The following CCDC138 variants were observed in gnomAD, a reference collection of about 807,000 sequenced individuals.
CCDC138 encodes coiled-coil domain-containing protein 138.
A neutral mutation model predicts 82.3 loss-of-function variants in CCDC138; 66 were observed. The ratio of observed to expected loss-of-function variants is 0.80; its 90% CI spans 0.66 to 0.98. The LOEUF is 0.98. Ranked by LOEUF, CCDC138 falls within the 50% of genes least tolerant of loss-of-function variation. CCDC138 has a pLI of 0.00. For synonymous variants in CCDC138, 297 were observed against 265.4 expected, an observed-to-expected ratio of 1.12 and a Z score of -1.16; for missense variants, 816 against 758.9, an observed-to-expected ratio of 1.08 and a Z score of -0.88.
intron 2 of CCDC138, 143 bp from the exon 3 acceptor site, chr2:108,788,709 G>A: frequency 2.6e-6 from 3 of 1,164,168 alleles, no homozygotes; most frequent in Non-Finnish European, 1.2e-6. Flanking sequence ...GACAGAGCGA[G>A]ACTCCGTCTC....
At chr2:108,828,524 T>C (rs979856806) in intron 10 of CCDC138, among the ~76,000 whole-genome samples, 2 of 152,210 alleles carry the variant, frequency 1.3e-5, no homozygotes. Flanking sequence ...TGGGATAGAA[T>C]GGAGAGCCCA....
intron 10 of CCDC138, among the ~76,000 whole-genome samples, chr2:108,829,859 C>T (rs945212411): frequency 6.6e-6 from 1 of 152,176 alleles, no homozygotes; most frequent in African/African-American, 2.4e-5. Flanking sequence ...CTGTGGAAGA[C>T]AGTATGGTGA....
intron 13 of CCDC138, among the ~76,000 whole-genome samples, chr2:108,867,189 C>CAGGGCT (rs1574302095): frequency 6.6e-6 from 1 of 152,136 alleles, no homozygotes; most frequent in East Asian, 1.9e-4. Context: ...TTTAATGTCA[C>CAGGGCT]AGGGCTAGGG....
At chr2:108,813,882 G>A (rs183360710) in intron 9 of CCDC138, among the ~76,000 whole-genome samples, 14 of 152,278 alleles carry the variant, frequency 9.2e-5, no homozygotes, top group African/African-American at 2.6e-4. Context: ...ACTTGTTTGT[G>A]TAAGGCTTTT....
At position 108,812,688 on chromosome 2, in the gene CCDC138, G is replaced by A. The variant is rs748883294; in HGVS notation, c.913G>A (p.Ala305Thr). The A allele has an allele frequency of 6.2e-7, 1 of 1,611,568 alleles. No homozygotes were observed. The highest frequency in any genetic ancestry group is 1.1e-5 in the South Asian group (1 of 90,984). Residue 305 changes from alanine (A) to threonine (T), a missense_variant, in exon 8 of 15, where the codon GCT becomes ACT. Physicochemically the swap from Ala to Thr is moderately conservative, Grantham distance 58 (BLOSUM62 0). Coordinates refer to ENST00000295124, the MANE Select transcript of CCDC138 (RefSeq NM_144978.3). ...KIDIQAKRVQ[A>T]RLDNLQRKYE... ...AGACATTCAGGCTAAAAGAGTTCAA[G>A]CTCGTTTAGATAATTTACAGGTAAG...
chr2:108,867,707 C>CT (rs1025428415), intron 13 of CCDC138, among the ~76,000 whole-genome samples: 25 of 151,878 alleles, frequency 1.6e-4, no homozygotes, highest in Admixed American at 5.9e-4. Context: ...CATACTATTG[C>CT]TTTTTTTTGT....
chr2:108,864,030 C>G (rs1694025782), intron 13 of CCDC138, among the ~76,000 whole-genome samples: 1 of 152,018 alleles, frequency 6.6e-6, no homozygotes, highest in Non-Finnish European at 1.5e-5. Context: ...AAAGGCTGGT[C>G]TTTCTCATGT....
Position 108,862,750 on chromosome 2 carries a change from T to C in CCDC138, c.1693+5780T>C, listed in dbSNP as rs540230534. ...TGCTATCAAAAGATACATAACTATT[T>C]TGTATCTTTTTTCCACAAACGGTTT... On this transcript the variant is annotated intron_variant, in intron 13 of 14. Coordinates refer to ENST00000295124, the MANE Select transcript of CCDC138 (RefSeq NM_144978.3). Among the ~76,000 whole-genome samples, 60 of 152,316 alleles carry C rather than the reference T, an allele frequency of 3.9e-4. 1 individual carries two copies. The South Asian group carries it at 0.012, about 32-fold the overall frequency.
chr2:108,810,639 TTGGTTTTGGTATCATGGTAGTGC>T (rs1683633262), intron 7 of CCDC138, among the ~76,000 whole-genome samples: 2 of 152,132 alleles, frequency 1.3e-5, no homozygotes, highest in African/African-American at 4.8e-5. Flanking sequence ...GTGTCTTGGT[TTGGTTTTGGTATCATGGTAGTGC>T]TGGCTTTGTA....
At chr2:108,877,753 A>G (rs1696124817), downstream of CCDC138, among the ~76,000 whole-genome samples, 1 of 152,098 alleles carries the variant, frequency 6.6e-6, no homozygotes, top group Admixed American at 6.5e-5. Context: ...GTGGCCAAAG[A>G]AAGAACTGCA....
chr2:108,827,124 T>G (rs1227870268), intron 10 of CCDC138, among the ~76,000 whole-genome samples: 1 of 152,182 alleles, frequency 6.6e-6, no homozygotes, highest in African/African-American at 2.4e-5. Flanking sequence ...TATTTAACAT[T>G]ATTCTAAAGC....
intron 4 of CCDC138, among the ~76,000 whole-genome samples, chr2:108,793,992 A>G (rs1201444398): frequency 1.3e-5 from 2 of 152,172 alleles, no homozygotes; most frequent in African/African-American, 2.4e-5. Flanking sequence ...TTCCACCTAT[A>G]GGAGGATGCT....
chr2:108,866,880 GAA>G (rs571640278), intron 13 of CCDC138, among the ~76,000 whole-genome samples: 5 of 139,626 alleles, frequency 3.6e-5, no homozygotes, highest in African/African-American at 5.2e-5. Context: ...AAGACTGTCT[GAA>G]AAAAAAAAAG....
intron 9 of CCDC138, 117 bp from the exon 10 acceptor site, chr2:108,815,824 A>G: frequency 1.2e-6 from 1 of 849,000 alleles, no homozygotes; most frequent in Non-Finnish European, 1.8e-6. Context: ...TGTCCTTAAC[A>G]CATTTTAGTG....
intron 6 of CCDC138, 73 bp downstream of exon 6, chr2:108,798,659 T>G: frequency 8.6e-7 from 1 of 1,167,836 alleles, no homozygotes; most frequent in Non-Finnish European, 1.2e-6. Context: ...TTACTAACAT[T>G]TTGTCACATT....
chr2:108,846,651 T>C (rs1690532694), intron 11 of CCDC138, 87 bp from the exon 12 acceptor site: 2 of 1,198,866 alleles, frequency 1.7e-6, no homozygotes, highest in Admixed American at 2.3e-5. Flanking sequence ...CATTCCAACC[T>C]GGGCAACAGA....
intron 14 of CCDC138, among the ~76,000 whole-genome samples, chr2:108,875,783 G>A (rs150858142): frequency 0.02 from 3,024 of 152,214 alleles, 99 homozygotes; most frequent in African/African-American, 0.069. Context: ...TGCTTGAGCT[G>A]GGGAGGTTGA....
Position 108,791,655 on chromosome 2 carries a change from A to G in CCDC138, c.267-20A>G, listed in dbSNP as rs769504534. ...TATAGTAAACTTCTAGATTGCTGTGATACAATTATTTTTTTAAAGCCTAGA... is the reference window on the plus strand; with the variant it reads ...TATAGTAAACTTCTAGATTGCTGTGGTACAATTATTTTTTTAAAGCCTAGA... On this transcript the variant is annotated intron_variant, in intron 3 of 14. Coordinates refer to ENST00000295124, the MANE Select transcript of CCDC138 (RefSeq NM_144978.3). 1 of 1,599,952 alleles carries G rather than the reference A, an allele frequency of 6.3e-7. No individual in the cohort carries two copies. Among genetic ancestry groups the G allele is most frequent in the Non-Finnish European group, 8.5e-7 (1 of 1,171,338 alleles).
intron 7 of CCDC138, among the ~76,000 whole-genome samples, chr2:108,809,116 A>G (rs1431299074): frequency 6.6e-6 from 1 of 152,174 alleles, no homozygotes; most frequent in Non-Finnish European, 1.5e-5. Flanking sequence ...GTAGAAAATC[A>G]GTTGGCTGTA....
Sources: allele counts gnomAD v4.1 joint callset (sites outside exome capture counted in the v4.1 genomes callset), GRCh38; gene constraint gnomAD v4.1.1; transcripts MANE v1.5; gene names NCBI Gene and HGNC (gene_info 2026-07-23, HGNC 2026-07-21).